The following FAM171A1 variants were observed in gnomAD, a reference collection of about 807,000 sequenced individuals.
FAM171A1 encodes protein FAM171A1.
Under a neutral mutation model 74.9 loss-of-function variants are expected in FAM171A1, and 23 were observed. That is an observed-to-expected ratio of 0.31 (90% CI 0.22 to 0.44). FAM171A1 has a LOEUF of 0.44. FAM171A1 is among the 20% of genes least tolerant of loss of function. The pLI, the probability that FAM171A1 is intolerant of heterozygous loss-of-function variation, is 1.00. For synonymous variants in FAM171A1, 527 were observed against 505.7 expected (o/e 1.04, Z -0.57); for missense variants, 1,162 against 1,159.2 (o/e 1.00, Z -0.03).
chr10:15,338,940 T>C (rs1461491194), intron 1 of FAM171A1, among the ~76,000 whole-genome samples: 3 of 152,108 alleles, frequency 2.0e-5, no homozygotes, highest in Non-Finnish European at 4.4e-5. Context: ...GGTTTCGCCA[T>C]GTTGGCCAGG....
intron 5 of FAM171A1, among the ~76,000 whole-genome samples, chr10:15,245,050 G>GT (rs1834414293): frequency 2.0e-5 from 3 of 151,782 alleles, no homozygotes; most frequent in Admixed American, 6.6e-5. Context: ...AGTTGACTTT[G>GT]CTTTTTTTTT....
intron 1 of FAM171A1, among the ~76,000 whole-genome samples, chr10:15,339,846 G>T (rs868040832): frequency 6.6e-6 from 1 of 152,096 alleles, no homozygotes; most frequent in Admixed American, 6.6e-5. Flanking sequence ...CGTGTGGCTC[G>T]GGAGGCCTCA....
chr10:15,332,032 C>T (rs2131860447), intron 1 of FAM171A1, among the ~76,000 whole-genome samples: 1 of 151,898 alleles, frequency 6.6e-6, no homozygotes, highest in South Asian at 2.1e-4. Context: ...TCACTGCAAC[C>T]TCTGCCTCCC....
chr10:15,360,166 C>G (rs1321394393), intron 1 of FAM171A1, among the ~76,000 whole-genome samples: 2 of 152,162 alleles, frequency 1.3e-5, no homozygotes, highest in Admixed American at 1.3e-4. Context: ...TGCCTGGGCT[C>G]AAGCAATCTC....
chr10:15,292,252 A>G (rs956038843), intron 1 of FAM171A1, among the ~76,000 whole-genome samples: 27 of 152,148 alleles, frequency 1.8e-4, no homozygotes, highest in African/African-American at 6.0e-4. Context: ...TAAGATTTCC[A>G]TATGTGAACT....
At position 15,213,031 on chromosome 10, in the gene FAM171A1, T is replaced by C. The variant is rs1182945412; in HGVS notation, c.2557A>G (p.Arg853Gly). 1.2e-6 allele frequency: 2 copies of C among 1,613,896 alleles called. No individual in the cohort carries two copies. Among genetic ancestry groups the C allele is most frequent in the Admixed American group, 3.3e-5 (2 of 59,976 alleles). The change falls in exon 8 of 8, where the codon AGA becomes GGA. Residue 853 changes from arginine to glycine, a missense_variant. By Grantham distance (125) the Arg-to-Gly change is moderately radical. Coordinates refer to ENST00000378116, the MANE Select transcript of FAM171A1 (RefSeq NM_001010924.2). This position sits in a 1 kb window ranked among gnomAD's most constrained non-coding sequence, Gnocchi z 6.8. ...PSEPAASPHQ[R>G]RSAHEEEEDD... ...TCCTCTTCCTCGTGGGCAGATCTTC[T>C]CTGGTGGGGGCTGGCTGCTGGCTCC...
chr10:15,282,717 TTTA>T (rs1397846600), intron 2 of FAM171A1, among the ~76,000 whole-genome samples: 6 of 152,162 alleles, frequency 3.9e-5, no homozygotes, highest in African/African-American at 1.4e-4. Context: ...TTTAATTTAT[TTTA>T]TTATTTTTTG....
At chr10:15,372,255 T>TTA (rs1836158275), upstream of FAM171A1, among the ~76,000 whole-genome samples, 1 of 152,126 alleles carries the variant, frequency 6.6e-6, no homozygotes, top group Admixed American at 6.5e-5. Flanking sequence ...TAAGAGGTAG[T>TTA]TAGCATTATC....
intron 1 of FAM171A1, among the ~76,000 whole-genome samples, chr10:15,330,698 T>G (rs1045669746): frequency 7.4e-6 from 1 of 135,578 alleles, no homozygotes; most frequent in Admixed American, 8.7e-5. Context: ...TGAAGCATAT[T>G]TTTTTCTTCT....
At chr10:15,310,174 G>A (rs1356894537) in intron 1 of FAM171A1, among the ~76,000 whole-genome samples, 14 of 152,142 alleles carry the variant, frequency 9.2e-5, no homozygotes, top group Admixed American at 9.2e-4. Context: ...GTGCAGACTG[G>A]GGGAAAGTGT....
At chr10:15,347,369 G>A (rs998768238) in intron 1 of FAM171A1, among the ~76,000 whole-genome samples, 3 of 152,178 alleles carry the variant, frequency 2.0e-5, no homozygotes, top group South Asian at 2.1e-4. Context: ...TCATTGGGTC[G>A]GAAATCGATG....
intron 1 of FAM171A1, among the ~76,000 whole-genome samples, chr10:15,364,480 G>T (rs1836034749): frequency 6.6e-6 from 1 of 152,144 alleles, no homozygotes. Flanking sequence ...CAGTAGCTCA[G>T]TTCCAAAAAG....
intron 5 of FAM171A1, among the ~76,000 whole-genome samples, chr10:15,230,903 T>A (rs543532473): frequency 6.6e-6 from 1 of 152,216 alleles, no homozygotes; most frequent in Non-Finnish European, 1.5e-5. Flanking sequence ...GAGAGAAATT[T>A]TGTTCATTAC....
At chr10:15,340,221 T>C (rs1211456986) in intron 1 of FAM171A1, among the ~76,000 whole-genome samples, 1 of 152,204 alleles carries the variant, frequency 6.6e-6, no homozygotes, top group Non-Finnish European at 1.5e-5. Context: ...TTTATTTCTA[T>C]GTGTATGGAC....
At chr10:15,325,918 C>T (rs1324137601) in intron 1 of FAM171A1, among the ~76,000 whole-genome samples, 1 of 152,172 alleles carries the variant, frequency 6.6e-6, no homozygotes, top group African/African-American at 2.4e-5. Context: ...TCATTTTAAA[C>T]AATTCAGACT....
chr10:15,276,065 T>A, intron 2 of FAM171A1, 118 bp from the exon 3 acceptor site: 1 of 637,422 alleles, frequency 1.6e-6, no homozygotes. Flanking sequence ...ATTAATACAA[T>A]TAATTTTTAG....
intron 5 of FAM171A1, among the ~76,000 whole-genome samples, chr10:15,231,604 GGGTGT>G (rs1189939515): frequency 6.6e-6 from 1 of 151,868 alleles, no homozygotes; most frequent in Non-Finnish European, 1.5e-5. Context: ...GCCCTTTTGT[GGGTGT>G]GGCAACTCTG....
chr10:15,214,316 T>G lies in FAM171A1; in HGVS notation c.1272A>C (p.Glu424Asp). ...AGAGGAGCTCCTCCCGGGAGCTAAATTCCTGGGAGGTGCTGTAGGAGAGCT... is the reference window on the plus strand; with the variant it reads ...AGAGGAGCTCCTCCCGGGAGCTAAAGTCCTGGGAGGTGCTGTAGGAGAGCT... ...MLKLSYSTSQ[E>D]FSSREELLSC... The change falls in exon 8 of 8, where the codon GAA (glutamate) becomes GAC (aspartate). Residue 424 changes from glutamate to aspartate, a missense_variant. Transcript: ENST00000378116. The G allele has an allele frequency of 6.2e-7, 1 of 1,613,046 alleles. No individual in the cohort carries two copies.
chr10:15,247,681 A>G (rs1834452460), intron 5 of FAM171A1, among the ~76,000 whole-genome samples: 1 of 148,654 alleles, frequency 6.7e-6, no homozygotes, highest in African/African-American at 2.5e-5. Flanking sequence ...GGGCTTTTAA[A>G]AGGCTGGTCT....
Sources: gnomAD v4.1 joint callset for allele counts (sites outside exome capture counted in the v4.1 genomes callset) on GRCh38, gnomAD v4.1.1 for gene constraint, Gnocchi (gnomAD v3.1) non-coding constraint, MANE v1.5 for transcripts, NCBI Gene and HGNC (gene_info 2026-07-23, HGNC 2026-07-21) for gene names.